The following PTPRK variants were observed in gnomAD, a reference collection of about 807,000 sequenced individuals.
The protein encoded by PTPRK is receptor-type tyrosine-protein phosphatase kappa.
A neutral mutation model predicts 178.0 loss-of-function variants in PTPRK; 75 were observed. That is an observed-to-expected ratio of 0.42 (90% CI 0.35 to 0.51). The LOEUF (loss-of-function observed/expected upper bound fraction) is 0.51, where lower values mean the gene tolerates loss of function less well. Ranked by LOEUF, PTPRK falls within the 20% of genes least tolerant of loss-of-function variation. PTPRK has a pLI of 0.02. For synonymous variants in PTPRK, 637 were observed against 620.6 expected, an observed-to-expected ratio of 1.03 and a Z score of -0.39; for missense variants, 1,441 against 1,797.8, an observed-to-expected ratio of 0.80 and a Z score of 3.59.
At chr6:128,177,203 A>G (rs1370031485) in intron 7 of PTPRK, among the ~76,000 whole-genome samples, 6 of 151,746 alleles carry the variant, frequency 4.0e-5, no homozygotes, top group African/African-American at 1.4e-4. Context: ...CTAGATCTAT[A>G]TCTTTAAAAT....
chr6:128,221,142 C>T (rs1339234400), intron 5 of PTPRK, among the ~76,000 whole-genome samples: 2 of 152,044 alleles, frequency 1.3e-5, no homozygotes, highest in African/African-American at 4.8e-5. Context: ...ACATTAATGG[C>T]TATTTTATTG....
At chr6:128,107,495 T>C (rs1459632883) in intron 7 of PTPRK, among the ~76,000 whole-genome samples, 1 of 152,206 alleles carries the variant, frequency 6.6e-6, no homozygotes, top group East Asian at 1.9e-4. Context: ...AGCCCAAAGC[T>C]GTATAATGTA....
rs138487012 is a variant in PTPRK, at chr6:128,305,781, C to A, written c.495+16258G>T. On this transcript the variant is annotated intron_variant, in intron 3 of 29. Transcript: ENST00000368226. ...ATTAAAAGAATTTCACCCAGAAGAACCCAAATACAATTTCATAGAATAAGA... is the reference window on the plus strand; with the variant it reads ...ATTAAAAGAATTTCACCCAGAAGAAACCAAATACAATTTCATAGAATAAGA... 2.7e-3 allele frequency among the ~76,000 whole-genome samples: 418 copies of A among 152,270 alleles called. 2 individuals are homozygous for A. Among genetic ancestry groups the A allele is most frequent in the Non-Finnish European group, 4.6e-3 (311 of 68,016 alleles).
At chr6:128,071,102 C>G (rs923851166) in intron 11 of PTPRK, among the ~76,000 whole-genome samples, 4 of 142,002 alleles carry the variant, frequency 2.8e-5, no homozygotes, top group African/African-American at 9.8e-5. Flanking sequence ...CATGCAGGCT[C>G]TGAGGATAGA....
At chr6:128,274,737 T>C (rs1250144661) in intron 3 of PTPRK, among the ~76,000 whole-genome samples, 2 of 152,066 alleles carry the variant, frequency 1.3e-5, no homozygotes, top group South Asian at 2.1e-4. Flanking sequence ...ATTTAATTTG[T>C]AGACCAGATT....
chr6:128,393,488 T>A (rs1839896030), intron 2 of PTPRK, among the ~76,000 whole-genome samples: 1 of 152,186 alleles, frequency 6.6e-6, no homozygotes, highest in Admixed American at 6.5e-5. Flanking sequence ...GTGGGCCGCA[T>A]CTTCTGATAT....
At chr6:128,174,902 A>G (rs995636298) in intron 7 of PTPRK, among the ~76,000 whole-genome samples, 1 of 151,844 alleles carries the variant, frequency 6.6e-6, no homozygotes, top group African/African-American at 2.4e-5. Flanking sequence ...CTGCATGTCT[A>G]CCTTCTAACC....
chr6:128,166,662 C>T (rs535894322), intron 7 of PTPRK, among the ~76,000 whole-genome samples: 2 of 151,670 alleles, frequency 1.3e-5, no homozygotes, highest in Non-Finnish European at 3.0e-5. Flanking sequence ...ATAAGACTCT[C>T]CTCTAGTAAC....
chr6:128,227,861 T>C (rs1165734073), intron 5 of PTPRK, among the ~76,000 whole-genome samples: 1 of 151,682 alleles, frequency 6.6e-6, no homozygotes, highest in East Asian at 1.9e-4. Context: ...ATTAAAGAAA[T>C]ATCATTATTA....
At chr6:128,180,967 T>C (rs974524598) in intron 7 of PTPRK, among the ~76,000 whole-genome samples, 9 of 152,076 alleles carry the variant, frequency 5.9e-5, no homozygotes, top group Admixed American at 1.3e-4. Context: ...CTGTCTGATA[T>C]TGGACAAGTT....
In PTPRK at chr6:127,970,007, G is replaced by A; in HGVS notation, c.*220C>T. The stretch of plus-strand genomic sequence containing the variant: ...GGTTCTTATTAAATATAATTTATGT[G>A]GCATGAAATGTTGATGCTTTAATAT... On this transcript the variant is annotated 3_prime_UTR_variant, in exon 30 of 30. Transcript: ENST00000368226. The A allele has an allele frequency of 2.3e-6, 1 of 438,916 alleles. No homozygotes were observed. The highest frequency in any genetic ancestry group is 4.0e-6 in the Non-Finnish European group (1 of 248,596). 27.2% of individuals were successfully genotyped at this position (438,916 alleles called of 1,614,324 possible).
At chr6:128,352,404 G>A (rs1237325566) in intron 2 of PTPRK, among the ~76,000 whole-genome samples, 1 of 7,228 alleles carries the variant, frequency 1.4e-4, no homozygotes, top group African/African-American at 1.5e-4. Context: ...TTTTCATTCT[G>A]CAACTACCTC....
At chr6:128,078,691 G>GA (rs1005906170) in intron 11 of PTPRK, 122 bp downstream of exon 11, 16 of 523,030 alleles carry the variant, frequency 3.1e-5, no homozygotes, top group African/African-American at 2.3e-4. Flanking sequence ...TGCATATATA[G>GA]AAAAAAACAT....
In PTPRK at chr6:128,484,849, T is replaced by A. The variant is rs552182664; in HGVS notation, c.100+35410A>T. On this transcript the variant is annotated intron_variant, in intron 1 of 29. Transcript: ENST00000368226. ...AATCACATTTTTAAACTCAATAGTT[T>A]CCTTTCCTTTCAGAAAATGCAAATC... Among the ~76,000 whole-genome samples the A allele has an allele frequency of 2.0e-5, 3 of 152,328 alleles. No individual in the cohort carries two copies. The South Asian group carries it at 6.2e-4, about 32-fold the overall frequency.
intron 13 of PTPRK, among the ~76,000 whole-genome samples, chr6:128,010,081 G>GAC (rs1778882145): frequency 6.6e-6 from 1 of 151,282 alleles, no homozygotes; most frequent in South Asian, 2.1e-4. Flanking sequence ...AATTGACAAG[G>GAC]AAAGTATTAT....
At chr6:128,318,422 A>G (rs1828334567) in intron 3 of PTPRK, among the ~76,000 whole-genome samples, 1 of 151,918 alleles carries the variant, frequency 6.6e-6, no homozygotes, top group Admixed American at 6.6e-5. Context: ...CAATTCTTAC[A>G]TTTTTTTTCA....
At chr6:128,147,742 C>T (rs1330688591) in intron 7 of PTPRK, among the ~76,000 whole-genome samples, 2 of 152,044 alleles carry the variant, frequency 1.3e-5, no homozygotes, top group Admixed American at 1.3e-4. Context: ...GAAAACAACA[C>T]AGGATAAAAC....
At chr6:128,238,360 A>C (rs898125665) in intron 5 of PTPRK, among the ~76,000 whole-genome samples, 12 of 152,120 alleles carry the variant, frequency 7.9e-5, no homozygotes, top group Admixed American at 2.0e-4. Flanking sequence ...AACAAAAAAA[A>C]AAAATGAGCA....
chr6:128,004,890 T>C, intron 15 of PTPRK, 194 bp downstream of exon 15: 1 of 539,048 alleles, frequency 1.9e-6, no homozygotes, highest in Non-Finnish European at 3.2e-6. Flanking sequence ...AGTTTGAAGT[T>C]AAACTAAATC....
Sources: allele counts gnomAD v4.1 joint callset (sites outside exome capture counted in the v4.1 genomes callset), GRCh38; gene constraint gnomAD v4.1.1; transcripts MANE v1.5; gene names NCBI Gene and HGNC (gene_info 2026-07-23, HGNC 2026-07-21).